The following CDH20 variants were observed in gnomAD, a reference collection of about 807,000 sequenced individuals.
CDH20 encodes the protein cadherin-20.
CDH20 carries 29 observed loss-of-function variants against 74.2 expected under a neutral mutation model. The ratio of observed to expected loss-of-function variants is 0.39; its 90% CI spans 0.29 to 0.53. The LOEUF is 0.53. Among genes scored for constraint, CDH20 ranks in the 20% least tolerant of loss-of-function variants. The pLI is 0.69. For synonymous variants in CDH20, 469 were observed against 405.4 expected, an observed-to-expected ratio of 1.16 and a Z score of -1.88; for missense variants, 988 against 1,048.3, an observed-to-expected ratio of 0.94 and a Z score of 0.79.
At chr18:61,485,804 T>C (rs1910740726) in intron 1 of CDH20, among the ~76,000 whole-genome samples, 1 of 152,146 alleles carries the variant, frequency 6.6e-6, no homozygotes, top group Non-Finnish European at 1.5e-5. Flanking sequence ...CCAGGTGCGG[T>C]GGCTCACGCC....
At chr18:61,511,380 C>T (rs1281514198) in intron 6 of CDH20, among the ~76,000 whole-genome samples, 1 of 151,926 alleles carries the variant, frequency 6.6e-6, no homozygotes, top group Non-Finnish European at 1.5e-5. Flanking sequence ...GACAAGGTCA[C>T]CCTATGTTTT....
chr18:61,455,013 A>C (rs1909524972), intron 1 of CDH20, among the ~76,000 whole-genome samples: 1 of 152,222 alleles, frequency 6.6e-6, no homozygotes, highest in African/African-American at 2.4e-5. Context: ...CTTGCTTTCC[A>C]AGGCAGTAAA....
intron 1 of CDH20, among the ~76,000 whole-genome samples, chr18:61,454,413 G>A (rs1218576212): frequency 6.6e-6 from 1 of 152,106 alleles, no homozygotes; most frequent in Non-Finnish European, 1.5e-5. Context: ...CAGCCTTCCA[G>A]GACCTGTCTG....
intron 1 of CDH20, among the ~76,000 whole-genome samples, chr18:61,339,238 A>T (rs557848578): frequency 1.3e-5 from 2 of 152,190 alleles, no homozygotes; most frequent in East Asian, 1.9e-4. Context: ...ATCTCTTTAT[A>T]AAAAAAGTGG....
At chr18:61,480,380 A>G (rs561634452) in intron 1 of CDH20, among the ~76,000 whole-genome samples, 1 of 152,334 alleles carries the variant, frequency 6.6e-6, no homozygotes, top group Admixed American at 6.5e-5. Context: ...TCCTGACGAC[A>G]TGTGCCCGGG....
At chr18:61,470,080 C>G (rs1910110686) in intron 1 of CDH20, among the ~76,000 whole-genome samples, 1 of 152,172 alleles carries the variant, frequency 6.6e-6, no homozygotes, top group African/African-American at 2.4e-5. Flanking sequence ...AAGCACCAAC[C>G]CATCACATCT....
chr18:61,356,483 A>C (rs1473025514), intron 1 of CDH20, among the ~76,000 whole-genome samples: 1 of 152,224 alleles, frequency 6.6e-6, no homozygotes, highest in African/African-American at 2.4e-5. Context: ...TTATCTCTTA[A>C]GAAAATACTT....
chr18:61,410,167 C>T (rs1259849023), intron 1 of CDH20, among the ~76,000 whole-genome samples: 1 of 152,312 alleles, frequency 6.6e-6, no homozygotes, highest in East Asian at 1.9e-4. Flanking sequence ...GGGTCAACCA[C>T]TGTGTTCTCC....
intron 1 of CDH20, among the ~76,000 whole-genome samples, chr18:61,424,829 T>C (rs909944743): frequency 6.6e-6 from 1 of 152,148 alleles, no homozygotes; most frequent in Admixed American, 6.6e-5. Context: ...CAATAAAAAA[T>C]ATGAAATAAG....
chr18:61,436,289 G>A (rs557996642), intron 1 of CDH20, among the ~76,000 whole-genome samples: 2 of 152,204 alleles, frequency 1.3e-5, no homozygotes, highest in African/African-American at 4.8e-5. Flanking sequence ...AAATACCTAG[G>A]AGTGAAATTG....
At position 61,474,622 on chromosome 18, in the gene CDH20, C is replaced by T. The variant is rs541070005; in HGVS notation, c.-152-15780C>T. The stretch of plus-strand genomic sequence containing the variant: ...AGATGAGAATGTTATATTGCTGAAT[C>T]GTTGTTCACTTTTTATTTAAATAAT... On this transcript the variant is annotated intron_variant, in intron 1 of 11. Transcript: ENST00000262717. Among the ~76,000 whole-genome samples the T allele has an allele frequency of 5.3e-5, 8 of 152,224 alleles. No homozygotes were observed. In the South Asian group the frequency reaches 1.0e-3, roughly 20 times the overall value.
intron 10 of CDH20, 53 bp downstream of exon 10, chr18:61,545,197 A>G: frequency 9.0e-7 from 1 of 1,107,824 alleles, no homozygotes; most frequent in South Asian, 1.2e-5. Flanking sequence ...TAGGCCAGCT[A>G]CTTTGGGTTA....
intron 1 of CDH20, among the ~76,000 whole-genome samples, chr18:61,368,227 A>G (rs1185991822): frequency 1.3e-5 from 2 of 152,186 alleles, no homozygotes; most frequent in Non-Finnish European, 2.9e-5. Flanking sequence ...CCCCTTTGCC[A>G]TATGACATAA....
chr18:61,334,900 G>T (rs1301339472), intron 1 of CDH20, among the ~76,000 whole-genome samples: 1 of 151,756 alleles, frequency 6.6e-6, no homozygotes. Flanking sequence ...GTTATAAATC[G>T]CCTGCAAATT....
intron 1 of CDH20, among the ~76,000 whole-genome samples, chr18:61,371,523 C>A (rs1380860178): frequency 6.6e-6 from 1 of 151,954 alleles, no homozygotes; most frequent in African/African-American, 2.4e-5. Context: ...ATAAAATATG[C>A]ATTGTCTTAG....
chr18:61,379,935 C>G (rs973021545), intron 1 of CDH20, among the ~76,000 whole-genome samples: 3 of 152,172 alleles, frequency 2.0e-5, no homozygotes, highest in African/African-American at 7.2e-5. Context: ...CTCCCTCAGC[C>G]ACTGAACCAA....
chr18:61,526,579 C>G (rs1912422253), intron 6 of CDH20, among the ~76,000 whole-genome samples: 1 of 152,102 alleles, frequency 6.6e-6, no homozygotes, highest in African/African-American at 2.4e-5. Flanking sequence ...CCGAGATGTT[C>G]TGAAATACTT....
At chr18:61,544,749 G>A (rs185801106) in intron 9 of CDH20, among the ~76,000 whole-genome samples, 6 of 152,228 alleles carry the variant, frequency 3.9e-5, no homozygotes, top group Admixed American at 1.3e-4. Context: ...AATGGGGGGC[G>A]TGGTGGGCCA....
intron 11 of CDH20, among the ~76,000 whole-genome samples, chr18:61,553,567 G>A (rs902819079): frequency 2.0e-5 from 3 of 152,114 alleles, no homozygotes; most frequent in African/African-American, 7.2e-5. Context: ...TTTAATGAAA[G>A]GCTTCTCTGA....
Sources: gnomAD v4.1 joint callset for allele counts (sites outside exome capture counted in the v4.1 genomes callset) on GRCh38, gnomAD v4.1.1 for gene constraint, MANE v1.5 for transcripts, NCBI Gene and HGNC (gene_info 2026-07-23, HGNC 2026-07-21) for gene names.